Variants in NEGR1 observed in about 807,000 individuals in gnomAD.
NEGR1 encodes the protein neuronal growth regulator 1, also known as IgLON family member 4.
A neutral mutation model predicts 40.9 loss-of-function variants in NEGR1; 10 were observed. That is an observed-to-expected ratio of 0.24 (90% CI 0.15 to 0.42). The LOEUF is 0.42. NEGR1 is among the 10% of genes least tolerant of loss of function. NEGR1 has a pLI of 1.00. For missense variants in NEGR1, 352 were observed against 438.9 expected (o/e 0.80, Z 1.77); for synonymous variants, 185 against 166.8 (o/e 1.11, Z -0.84).
At chr1:72,200,237 T>G (rs1000140827) in intron 1 of NEGR1, among the ~76,000 whole-genome samples, 2 of 151,972 alleles carry the variant, frequency 1.3e-5, no homozygotes, top group African/African-American at 4.8e-5. Flanking sequence ...CACAGTGCTA[T>G]TCACAATATC....
At chr1:71,913,787 A>G (rs1049769585) in intron 2 of NEGR1, among the ~76,000 whole-genome samples, 1 of 151,294 alleles carries the variant, frequency 6.6e-6, no homozygotes, top group Admixed American at 6.6e-5. Context: ...TCTGAATTCT[A>G]TTATTTTACA....
intron 4 of NEGR1, among the ~76,000 whole-genome samples, chr1:71,634,026 A>G (rs1036216667): frequency 6.6e-6 from 1 of 152,014 alleles, no homozygotes; most frequent in African/African-American, 2.4e-5. Flanking sequence ...TTTGGGATGG[A>G]TCCATTGTTT....
chr1:71,509,906 G>T (rs1016877142), intron 6 of NEGR1, among the ~76,000 whole-genome samples: 3 of 152,194 alleles, frequency 2.0e-5, no homozygotes, highest in Admixed American at 6.5e-5. Flanking sequence ...TGGGAAACAG[G>T]CTTGTGCTAG....
At chr1:72,110,224 A>G (rs77315302) in intron 1 of NEGR1, among the ~76,000 whole-genome samples, 1 of 142,580 alleles carries the variant, frequency 7.0e-6, no homozygotes, top group Admixed American at 6.9e-5. Context: ...AGTATAATAA[A>G]AAAAAAAAAA....
chr1:72,081,367 T>C (rs1647989884), intron 1 of NEGR1, among the ~76,000 whole-genome samples: 1 of 152,090 alleles, frequency 6.6e-6, no homozygotes, highest in Non-Finnish European at 1.5e-5. Flanking sequence ...TATCTCTCCC[T>C]CTGAATCAAA....
intron 2 of NEGR1, among the ~76,000 whole-genome samples, chr1:71,883,251 C>T (rs118080933): frequency 1.1e-3 from 174 of 152,070 alleles, no homozygotes; most frequent in East Asian, 5.4e-3. Flanking sequence ...CACCTTAATT[C>T]TATAATGTTA....
intron 3 of NEGR1, among the ~76,000 whole-genome samples, chr1:71,770,528 A>G (rs1001083915): frequency 1.7e-4 from 26 of 152,196 alleles, no homozygotes; most frequent in African/African-American, 6.0e-4. Context: ...TATAAAATCA[A>G]TCAAAGTTAA....
At chr1:71,669,068 A>C (rs1652331718) in intron 4 of NEGR1, among the ~76,000 whole-genome samples, 1 of 152,202 alleles carries the variant, frequency 6.6e-6, no homozygotes, top group African/African-American at 2.4e-5. Context: ...AATGTTGTGT[A>C]ATTGAGTACA....
At chr1:72,220,106 T>C (rs1365458182) in intron 1 of NEGR1, among the ~76,000 whole-genome samples, 2 of 152,060 alleles carry the variant, frequency 1.3e-5, no homozygotes, top group Non-Finnish European at 2.9e-5. Context: ...ATTTTACTAA[T>C]AAACTCACAT....
chr1:71,984,376 C>T (rs914193011), intron 1 of NEGR1, among the ~76,000 whole-genome samples: 3 of 152,104 alleles, frequency 2.0e-5, no homozygotes, highest in Non-Finnish European at 2.9e-5. Flanking sequence ...GATCTCACCT[C>T]GGCCCCCCAA....
intron 3 of NEGR1, among the ~76,000 whole-genome samples, chr1:71,746,959 A>ATT (rs1044926353): frequency 6.6e-6 from 1 of 152,202 alleles, no homozygotes; most frequent in Non-Finnish European, 1.5e-5. Flanking sequence ...AGCTTATCTG[A>ATT]TTCTAAGGGT....
At chr1:71,586,614 C>T (rs1375439593) in intron 6 of NEGR1, among the ~76,000 whole-genome samples, 1 of 152,110 alleles carries the variant, frequency 6.6e-6, no homozygotes, top group Non-Finnish European at 1.5e-5. Context: ...ACCTGGAGCA[C>T]CATAAACTTC....
chr1:72,177,944 G>T (rs1320025528), intron 1 of NEGR1, among the ~76,000 whole-genome samples: 1 of 151,926 alleles, frequency 6.6e-6, no homozygotes, highest in Non-Finnish European at 1.5e-5. Flanking sequence ...CTGCTTTTTA[G>T]ATCCTAAATA....
At chr1:72,089,583 CT>C (rs1380692130) in intron 1 of NEGR1, among the ~76,000 whole-genome samples, 1 of 152,042 alleles carries the variant, frequency 6.6e-6, no homozygotes, top group African/African-American at 2.4e-5. Flanking sequence ...AGCATTTATT[CT>C]TTTAGGAAAT....
intron 6 of NEGR1, among the ~76,000 whole-genome samples, chr1:71,536,979 A>G (rs866108441): frequency 6.6e-6 from 1 of 151,718 alleles, no homozygotes; most frequent in Non-Finnish European, 1.5e-5. Flanking sequence ...TAAATCTACT[A>G]TAGATTTCCT....
chr1:71,742,656 TG>T (rs1312117354), intron 3 of NEGR1, among the ~76,000 whole-genome samples: 1 of 152,132 alleles, frequency 6.6e-6, no homozygotes, highest in Admixed American at 6.6e-5. Context: ...TCTGTTTTCA[TG>T]GGCTCATAGC....
intron 1 of NEGR1, among the ~76,000 whole-genome samples, chr1:72,077,191 G>A (rs1462255119): frequency 6.6e-6 from 1 of 151,990 alleles, no homozygotes; most frequent in Non-Finnish European, 1.5e-5. Context: ...ACCGTGCCCG[G>A]CCCTCATTTA....
chr1:71,682,142 T>C (rs925031334), intron 4 of NEGR1, among the ~76,000 whole-genome samples: 1 of 152,172 alleles, frequency 6.6e-6, no homozygotes, highest in African/African-American at 2.4e-5. Context: ...CCATATAATT[T>C]TGTAATATCC....
Position 71,896,916 on chromosome 1 carries a change from G to GA in NEGR1, c.409+38162dup, listed in dbSNP as rs1022708638. On this transcript the variant is annotated intron_variant, in intron 2 of 6. Transcript: ENST00000357731. ...AAATTATTATGTCTGTTTTATAAAT[G>GA]AAAAAATGAAGCTTGGAGAGGCCAA... 1.8e-4 allele frequency among the ~76,000 whole-genome samples: 27 copies of GA among 152,166 alleles called. 1 individual carries two copies. Among genetic ancestry groups the GA allele is most frequent in the Middle Eastern group, 3.4e-3 (1 of 292 alleles).
Sources: allele counts gnomAD v4.1 joint callset (sites outside exome capture counted in the v4.1 genomes callset), GRCh38; gene constraint gnomAD v4.1.1; transcripts MANE v1.5; gene names NCBI Gene and HGNC (gene_info 2026-07-23, HGNC 2026-07-21).